Variants in CSMD1 observed in about 807,000 individuals in gnomAD.
CSMD1 encodes CUB and Sushi multiple domains 1.
In CSMD1, 213 loss-of-function variants were observed where a neutral mutation model predicts 417.5. That is an observed-to-expected ratio of 0.51 (90% CI 0.46 to 0.57). CSMD1 has a LOEUF of 0.57. Among genes scored for constraint, CSMD1 ranks in the 20% least tolerant of loss-of-function variants. The pLI is 0.00. For missense variants in CSMD1, 6,923 were observed against 4,529.7 expected (o/e 1.53, Z -15.17); for synonymous variants, 2,862 against 1,736.8 (o/e 1.65, Z -16.11).
intron 3 of CSMD1, among the ~76,000 whole-genome samples, chr8:4,035,897 C>A (rs1437549234): frequency 2.0e-5 from 3 of 152,082 alleles, no homozygotes; most frequent in Non-Finnish European, 4.4e-5. Flanking sequence ...AGTCACCCCT[C>A]ACTCACACAC....
At chr8:3,161,389 G>A (rs961066178) in intron 38 of CSMD1, among the ~76,000 whole-genome samples, 3 of 152,078 alleles carry the variant, frequency 2.0e-5, no homozygotes, top group Admixed American at 6.6e-5. Flanking sequence ...GGCCAAGGCA[G>A]GTGGATCACC....
intron 10 of CSMD1, among the ~76,000 whole-genome samples, chr8:3,563,595 A>G (rs1585374732): frequency 1.3e-5 from 2 of 152,232 alleles, no homozygotes; most frequent in East Asian, 3.9e-4. Context: ...ACAAGTAAAA[A>G]CATTTTTTAA....
chr8:4,763,749 C>G (rs1159056533), intron 1 of CSMD1, among the ~76,000 whole-genome samples: 1 of 152,148 alleles, frequency 6.6e-6, no homozygotes, highest in Non-Finnish European at 1.5e-5. Context: ...AATACCATTT[C>G]AAGAGGCAGG....
At chr8:4,443,607 C>G (rs557455262) in intron 2 of CSMD1, among the ~76,000 whole-genome samples, 1 of 152,102 alleles carries the variant, frequency 6.6e-6, no homozygotes, top group Non-Finnish European at 1.5e-5. Context: ...ATAAAGAAAA[C>G]TTCGCATTCA....
intron 1 of CSMD1, among the ~76,000 whole-genome samples, chr8:4,815,134 A>C (rs1443059477): frequency 6.6e-6 from 1 of 152,178 alleles, no homozygotes; most frequent in Non-Finnish European, 1.5e-5. Flanking sequence ...CATCTAGGTC[A>C]ATATCAGGAA....
rs571585091 is a variant in CSMD1 at position 4,961,464 on chromosome 8, G to C, written c.85+32868C>G. Among the ~76,000 whole-genome samples the C allele has an allele frequency of 4.6e-5, 7 of 152,216 alleles. No homozygotes were observed. In the South Asian group the frequency reaches 1.2e-3, roughly 27 times the overall value. ...TCTTCTAGTTGATTTCCTCAATACA[G>C]TGAAACATATTCTCCAATGACATTT... On this transcript the variant is annotated intron_variant, in intron 1 of 69. Coordinates refer to ENST00000635120, the MANE Select transcript of CSMD1 (RefSeq NM_033225.6).
chr8:4,002,763 A>G (rs963673794), intron 4 of CSMD1, among the ~76,000 whole-genome samples: 9 of 152,234 alleles, frequency 5.9e-5, no homozygotes, highest in Non-Finnish European at 2.9e-5. Flanking sequence ...ATTATTTAAC[A>G]AAGTATATTG....
chr8:4,773,964 G>C (rs28701574), intron 1 of CSMD1, among the ~76,000 whole-genome samples: 51,189 of 152,140 alleles, frequency 0.34, 9,231 homozygotes, highest in Admixed American at 0.48. Context: ...TTGAGGCAGA[G>C]GTGGGTGGAT....
At chr8:4,893,461 T>G (rs1313278894) in intron 1 of CSMD1, among the ~76,000 whole-genome samples, 1 of 152,124 alleles carries the variant, frequency 6.6e-6, no homozygotes, top group South Asian at 2.1e-4. Context: ...CAGGGTTTAT[T>G]TGTTGTCTTT....
At chr8:4,333,161 C>G (rs1585251543) in intron 3 of CSMD1, among the ~76,000 whole-genome samples, 1 of 152,160 alleles carries the variant, frequency 6.6e-6, no homozygotes, top group South Asian at 2.1e-4. Context: ...AAGAATTCCT[C>G]AAAAAATCCT....
chr8:3,624,852 C>A (rs1417707032), intron 7 of CSMD1, among the ~76,000 whole-genome samples: 1 of 152,158 alleles, frequency 6.6e-6, no homozygotes, highest in Non-Finnish European at 1.5e-5. Flanking sequence ...AGTAATAGCT[C>A]TATTTTAATA....
rs556124867 is a variant in CSMD1, at chr8:4,003,958, C to T, written c.611-5848G>A. Reference sequence around the variant, plus strand: ...TAGAAAACAGAACAAAACAAAAAAACCATCAACTGGAAAACATTCAGAGAC... The same window carrying T: ...TAGAAAACAGAACAAAACAAAAAAATCATCAACTGGAAAACATTCAGAGAC... On this transcript the variant is annotated intron_variant, in intron 4 of 69. Transcript: ENST00000635120. Among the ~76,000 whole-genome samples the T allele has an allele frequency of 2.6e-5, 4 of 151,630 alleles. 1 individual carries two copies. The highest frequency in any genetic ancestry group is 2.6e-4 in the Admixed American group (4 of 15,226).
chr8:3,480,094 C>T (rs893657226), intron 11 of CSMD1, among the ~76,000 whole-genome samples: 4 of 152,240 alleles, frequency 2.6e-5, no homozygotes, highest in African/African-American at 4.8e-5. Flanking sequence ...AGTGGTGACT[C>T]ACATCTGTAA....
At chr8:4,809,158 T>C (rs1054743184) in intron 1 of CSMD1, among the ~76,000 whole-genome samples, 1 of 152,244 alleles carries the variant, frequency 6.6e-6, no homozygotes, top group Admixed American at 6.5e-5. Flanking sequence ...AACTGTTACA[T>C]ACATTCATGA....
At position 3,396,206 on chromosome 8, in the gene CSMD1, T is replaced by C. The variant is rs1277021794; in HGVS notation, c.2581A>G (p.Ile861Val). The change falls in exon 17 of 70, where the codon ATC becomes GTC. Residue 861 changes from isoleucine (I) to valine (V), a missense_variant. Transcript: ENST00000635120. Reference sequence around the variant, plus strand: ...AGGTGCAACTCACTCTCATAGTGGATGAGGAAGCCGATGCTGGAGCGGCTG... The same window carrying C: ...AGGTGCAACTCACTCTCATAGTGGACGAGGAAGCCGATGCTGGAGCGGCTG... ...DNSRSSIGFL[I>V]HYESVTLESD... The C allele has an allele frequency of 6.4e-7, 1 of 1,561,466 alleles. No homozygotes were observed. The highest frequency in any genetic ancestry group is 1.9e-5 in the Admixed American group (1 of 51,942).
chr8:4,144,935 C>T (rs1804019793), intron 3 of CSMD1, among the ~76,000 whole-genome samples: 1 of 150,838 alleles, frequency 6.6e-6, no homozygotes, highest in Non-Finnish European at 1.5e-5. Context: ...AAGCAGAGAC[C>T]CCAGAAATCA....
At chr8:4,590,869 T>G (rs2130731220) in intron 2 of CSMD1, among the ~76,000 whole-genome samples, 1 of 152,340 alleles carries the variant, frequency 6.6e-6, no homozygotes, top group East Asian at 1.9e-4. Flanking sequence ...ATGACTAATC[T>G]TTACTTGGCA....
chr8:4,725,306 T>A (rs1376924565), intron 1 of CSMD1, among the ~76,000 whole-genome samples: 4 of 152,176 alleles, frequency 2.6e-5, no homozygotes, highest in African/African-American at 9.7e-5. Context: ...TTCAACACCA[T>A]TTTTCCTAAT....
At chr8:4,125,130 AC>A (rs1802689669) in intron 3 of CSMD1, among the ~76,000 whole-genome samples, 1 of 142,820 alleles carries the variant, frequency 7.0e-6, no homozygotes, top group Non-Finnish European at 1.5e-5. Context: ...CGAGAAAAAA[AC>A]CTTTGATCAG....
Sources: allele counts gnomAD v4.1 joint callset (sites outside exome capture counted in the v4.1 genomes callset), GRCh38; gene constraint gnomAD v4.1.1; transcripts MANE v1.5; gene names NCBI Gene and HGNC (gene_info 2026-07-23, HGNC 2026-07-21).